STPG2: variants seen among roughly 807,000 people sequenced by gnomAD.
STPG2 encodes sperm-tail PG-rich repeat-containing protein 2.
STPG2 carries 56 observed loss-of-function variants against 54.2 expected under a neutral mutation model. The ratio of observed to expected loss-of-function variants is 1.03; its 90% CI spans 0.83 to 1.29. The LOEUF (loss-of-function observed/expected upper bound fraction) is 1.29, where lower values mean the gene tolerates loss of function less well. Among genes scored for constraint, STPG2 ranks in the 50% most tolerant of loss-of-function variants. STPG2 has a pLI of 0.00. For missense variants in STPG2, 596 were observed against 544.9 expected (o/e 1.09, Z -0.93); for synonymous variants, 200 against 181.8 (o/e 1.10, Z -0.81).
intron 4 of STPG2, among the ~76,000 whole-genome samples, chr4:97,492,956 T>C (rs1260938408): frequency 1.3e-5 from 2 of 149,146 alleles, no homozygotes; most frequent in Non-Finnish European, 3.0e-5. Context: ...CCTTTGAATC[T>C]AGAATGCCCT....
At position 98,019,423 on chromosome 4, in the gene STPG2, T is replaced by G. The variant is rs182623489; in HGVS notation, c.613-38105A>C. Reference sequence around the variant, plus strand: ...CATGATGTTTTGGTTACTGTAACCTTGTAGTATAGTTTGAAGTCAGGTAGC... The same window carrying G: ...CATGATGTTTTGGTTACTGTAACCTGGTAGTATAGTTTGAAGTCAGGTAGC... On this transcript the variant is annotated intron_variant, in intron 5 of 10. Transcript: ENST00000295268. 3.6e-3 allele frequency among the ~76,000 whole-genome samples: 540 copies of G among 152,040 alleles called. 5 individuals carry two copies. The highest frequency in any genetic ancestry group is 0.012 in the African/African-American group (514 of 41,466).
At position 98,109,243 on chromosome 4, in the gene STPG2, T is replaced by C. The variant is rs1374669770; in HGVS notation, c.450A>G (p.Gln150=). 3.7e-6 allele frequency: 6 copies of C among 1,611,654 alleles called. No individual in the cohort carries two copies. Among genetic ancestry groups the C allele is most frequent in the Non-Finnish European group, 5.1e-6 (6 of 1,178,788 alleles). Reference sequence around the variant, plus strand: ...CAGGACCTGACTTTTTAGGTAACTCTTGTCTTCCTGAAGAGTTGCCAAAAT... The same window carrying C: ...CAGGACCTGACTTTTTAGGTAACTCCTGTCTTCCTGAAGAGTTGCCAAAAT... ...GIHFGNSSGR[Q]ELPKKSGPGP... The change falls in exon 4 of 11, where the codon CAA becomes CAG. Residue 150 remains glutamine, a synonymous_variant. Coordinates refer to ENST00000295268, the MANE Select transcript of STPG2 (RefSeq NM_174952.3).
intron 5 of STPG2, among the ~76,000 whole-genome samples, chr4:98,022,653 AT>A (rs2149292713): frequency 6.6e-6 from 1 of 152,196 alleles, no homozygotes; most frequent in African/African-American, 2.4e-5. Context: ...TTTCAGGTAC[AT>A]CAATCAGACG....
chr4:97,964,972 A>T (rs1177201815), intron 7 of STPG2, among the ~76,000 whole-genome samples: 1 of 152,148 alleles, frequency 6.6e-6, no homozygotes, highest in Admixed American at 6.5e-5. Context: ...CACCTGGTTC[A>T]TCTCACTGGG....
intron 8 of STPG2, among the ~76,000 whole-genome samples, chr4:97,864,187 A>G (rs573324680): frequency 2.0e-5 from 3 of 152,322 alleles, no homozygotes; most frequent in African/African-American, 7.2e-5. Flanking sequence ...ATTATTGTAT[A>G]TCTAGAAAAC....
chr4:97,652,809 G>C (rs1448152905), intron 10 of STPG2, among the ~76,000 whole-genome samples: 1 of 151,974 alleles, frequency 6.6e-6, no homozygotes, highest in South Asian at 2.1e-4. Context: ...GATGAGATTA[G>C]CCATAGCTAA....
At chr4:97,724,020 G>A (rs1231801932) in intron 9 of STPG2, among the ~76,000 whole-genome samples, 1 of 152,128 alleles carries the variant, frequency 6.6e-6, no homozygotes, top group Non-Finnish European at 1.5e-5. Flanking sequence ...AATAATTTTT[G>A]TTTACCTATT....
chr4:97,973,386 T>G (rs570688186), intron 6 of STPG2, among the ~76,000 whole-genome samples: 2 of 152,300 alleles, frequency 1.3e-5, no homozygotes, highest in East Asian at 3.9e-4. Context: ...GCATTCAAGA[T>G]GTGACTTGGG....
chr4:97,460,008 C>T lies in STPG2; in HGVS notation c.462+252691G>A, dbSNP rs141489942. On this transcript the variant is annotated intron_variant, in intron 4 of 4. Transcript: ENST00000522676. ...ACATTATGCTTCACTTACTAAAGCTCTACAGAGTTATAACACTAGGCCATT... is the reference window on the plus strand; with the variant it reads ...ACATTATGCTTCACTTACTAAAGCTTTACAGAGTTATAACACTAGGCCATT... 4.2e-3 allele frequency among the ~76,000 whole-genome samples: 637 copies of T among 152,236 alleles called. 3 individuals are homozygous for T. Among genetic ancestry groups the T allele is most frequent in the South Asian group, 0.02 (98 of 4,826 alleles).
rs546934659 is a variant in STPG2, at chr4:97,566,902, G to A, written c.1321-7785C>T. On this transcript the variant is annotated intron_variant, in intron 10 of 10. Coordinates refer to ENST00000295268, the MANE Select transcript of STPG2 (RefSeq NM_174952.3). Reference sequence around the variant, plus strand: ...TGTTGTGGGGTGGTGGGAGGGGGGAGGGATAGCTTTAGGAGATATACCTAA... The same window carrying A: ...TGTTGTGGGGTGGTGGGAGGGGGGAAGGATAGCTTTAGGAGATATACCTAA... 1.4e-4 allele frequency among the ~76,000 whole-genome samples: 20 copies of A among 143,394 alleles called. 1 individual carries two copies. In the South Asian group the frequency reaches 4.0e-3, roughly 29 times the overall value. 94.1% of individuals were successfully genotyped at this position (143,394 alleles called of 152,430 possible).
intron 1 of STPG2, among the ~76,000 whole-genome samples, chr4:98,136,591 T>A (rs889197916): frequency 1.3e-5 from 2 of 151,654 alleles, no homozygotes; most frequent in African/African-American, 2.4e-5. Flanking sequence ...TTTAAAAAAA[T>A]GTAAGTTGAA....
chr4:97,606,928 A>T (rs921133685), intron 10 of STPG2, among the ~76,000 whole-genome samples: 1 of 152,022 alleles, frequency 6.6e-6, no homozygotes, highest in African/African-American at 2.4e-5. Flanking sequence ...TATAGGCTAA[A>T]ATTCATATCA....
intron 5 of STPG2, among the ~76,000 whole-genome samples, chr4:97,995,056 C>T (rs375030960): frequency 2.0e-4 from 30 of 152,072 alleles, no homozygotes; most frequent in African/African-American, 5.1e-4. Flanking sequence ...GTCTTTGCTG[C>T]GTCACACAGG....
intron 10 of STPG2, among the ~76,000 whole-genome samples, chr4:97,643,549 T>C (rs1003062515): frequency 1.3e-5 from 2 of 151,762 alleles, no homozygotes; most frequent in African/African-American, 4.8e-5. Flanking sequence ...AATACAACCA[T>C]TTAACTCTTT....
At chr4:97,504,926 C>A (rs569477480) in intron 4 of STPG2, among the ~76,000 whole-genome samples, 19 of 151,888 alleles carry the variant, frequency 1.3e-4, no homozygotes, top group Non-Finnish European at 1.5e-4. Flanking sequence ...ATGGTACAGA[C>A]AAGGCAAGCT....
rs540804252 is a variant in STPG2 at position 97,961,479 on chromosome 4, C to A, written c.933+10801G>T. ...ATACATCTGACAAAGGACTAATATC[C>A]AGAATCTACAACAAACTCAACCAAA... is the stretch of plus-strand genomic sequence containing the variant. On this transcript the variant is annotated intron_variant, in intron 7 of 10. Coordinates refer to ENST00000295268, the MANE Select transcript of STPG2 (RefSeq NM_174952.3). Among the ~76,000 whole-genome samples, 189 of 152,222 alleles carry A rather than the reference C, an allele frequency of 1.2e-3. 1 individual carries two copies. Among genetic ancestry groups the A allele is most frequent in the African/African-American group, 4.3e-3 (180 of 41,542 alleles).
intron 9 of STPG2, among the ~76,000 whole-genome samples, chr4:97,824,549 G>C (rs753708959): frequency 6.6e-6 from 1 of 152,074 alleles, no homozygotes; most frequent in Non-Finnish European, 1.5e-5. Flanking sequence ...GGGGCTTAGG[G>C]CCCCATAAGC....
chr4:97,789,573 C>T (rs964126516), intron 9 of STPG2, among the ~76,000 whole-genome samples: 10 of 152,030 alleles, frequency 6.6e-5, no homozygotes, highest in African/African-American at 1.7e-4. Context: ...ACTGTAAGTG[C>T]CATACACTTA....
At chr4:97,801,546 C>G (rs1727399177) in intron 9 of STPG2, among the ~76,000 whole-genome samples, 1 of 152,166 alleles carries the variant, frequency 6.6e-6, no homozygotes, top group African/African-American at 2.4e-5. Context: ...GTATGCAAAC[C>G]AGGCACAAAT....
Sources: allele counts gnomAD v4.1 joint callset (sites outside exome capture counted in the v4.1 genomes callset), GRCh38; gene constraint gnomAD v4.1.1; transcripts MANE v1.5; gene names NCBI Gene and HGNC (gene_info 2026-07-23, HGNC 2026-07-21).